Variants in TEAD1 observed in about 807,000 individuals in gnomAD.
TEAD1 encodes TEA domain transcription factor 1.
Under a neutral mutation model 54.9 loss-of-function variants are expected in TEAD1, and 9 were observed. That is an observed-to-expected ratio of 0.16 (90% CI 0.10 to 0.29). The LOEUF is 0.29. Among genes scored for constraint, TEAD1 ranks in the 10% least tolerant of loss-of-function variants. The pLI is 1.00. For synonymous variants in TEAD1, 200 were observed against 187.8 expected, an observed-to-expected ratio of 1.07 and a Z score of -0.53; for missense variants, 387 against 535.9, an observed-to-expected ratio of 0.72 and a Z score of 2.74.
At chr11:12,797,266 C>T (rs1476374237) in intron 3 of TEAD1, among the ~76,000 whole-genome samples, 1 of 152,140 alleles carries the variant, frequency 6.6e-6, no homozygotes, top group African/African-American at 2.4e-5. Flanking sequence ...CCTACTGTTC[C>T]CTCAAACTCT....
intron 2 of TEAD1, among the ~76,000 whole-genome samples, chr11:12,746,591 T>C (rs1199401170): frequency 6.6e-6 from 1 of 152,230 alleles, no homozygotes; most frequent in Non-Finnish European, 1.5e-5. Flanking sequence ...GAATTTAATG[T>C]TCTTTTCTTA....
At position 12,932,407 on chromosome 11, in the gene TEAD1, CCT is replaced by C. The variant is rs558681909; in HGVS notation, c.1167+2086_1167+2087del. On this transcript the variant is annotated intron_variant, in intron 12 of 12. Coordinates refer to ENST00000527636, the MANE Select transcript of TEAD1 (RefSeq NM_021961.6). ...AAACTCTGAATGAATGGCTTCCCTGCCTCTCTTGGGGGGGAGTCTTAGCTGTT... is the reference window on the plus strand; with the variant it reads ...AAACTCTGAATGAATGGCTTCCCTGCCTCTTGGGGGGGAGTCTTAGCTGTT... Among the ~76,000 whole-genome samples the C allele has an allele frequency of 7.5e-5, 11 of 145,876 alleles. No homozygotes were observed. The East Asian group carries it at 2.1e-3, about 28-fold the overall frequency.
chr11:12,680,534 CT>C (rs1163535218), intron 2 of TEAD1, among the ~76,000 whole-genome samples: 2 of 152,242 alleles, frequency 1.3e-5, no homozygotes, highest in African/African-American at 2.4e-5. Context: ...GCTTGCAGCT[CT>C]AGCTGGGAGC....
chr11:12,763,965 C>A (rs1186598110), intron 2 of TEAD1, among the ~76,000 whole-genome samples: 1 of 152,138 alleles, frequency 6.6e-6, no homozygotes, highest in Non-Finnish European at 1.5e-5. Context: ...CCATATTCTC[C>A]AGTAGGAGTT....
intron 2 of TEAD1, among the ~76,000 whole-genome samples, chr11:12,713,159 A>G (rs947345521): frequency 1.3e-5 from 2 of 152,114 alleles, no homozygotes; most frequent in Non-Finnish European, 2.9e-5. Flanking sequence ...AGCTGGGACT[A>G]CAGGCATGTG....
intron 2 of TEAD1, among the ~76,000 whole-genome samples, chr11:12,759,022 C>T (rs1945048037): frequency 6.6e-6 from 1 of 151,990 alleles, no homozygotes; most frequent in Non-Finnish European, 1.5e-5. Context: ...AATATTGAGA[C>T]ACTGGCAAAA....
chr11:12,879,004 G>A (rs890661236), intron 5 of TEAD1: 29 of 959,044 alleles, frequency 3.0e-5, no homozygotes, highest in African/African-American at 2.3e-4. Context: ...GAAAAGACCC[G>A]TTCAGGAAAA....
At chr11:12,861,858 C>T (rs545398052) in intron 3 of TEAD1, among the ~76,000 whole-genome samples, 3 of 152,228 alleles carry the variant, frequency 2.0e-5, no homozygotes, top group South Asian at 2.1e-4. Flanking sequence ...TGATGGCGCA[C>T]GCCTGTAATC....
intron 2 of TEAD1, among the ~76,000 whole-genome samples, chr11:12,721,601 C>T (rs930589574): frequency 5.9e-5 from 9 of 152,266 alleles, no homozygotes; most frequent in Admixed American, 5.2e-4. Flanking sequence ...ATTATTTCAA[C>T]GAACAGTTCT....
chr11:12,873,727 C>T (rs1207765984), intron 5 of TEAD1, among the ~76,000 whole-genome samples: 8 of 152,122 alleles, frequency 5.3e-5, no homozygotes, highest in Non-Finnish European at 1.5e-5. Context: ...AAATCAAGTG[C>T]CCTCCATCCT....
chr11:12,879,205 A>G (rs1405189212), intron 5 of TEAD1, among the ~76,000 whole-genome samples: 2 of 152,194 alleles, frequency 1.3e-5, no homozygotes. Context: ...CAGGCCTTGC[A>G]TGACCCCAGC....
At chr11:12,841,296 C>T (rs1947035591) in intron 3 of TEAD1, among the ~76,000 whole-genome samples, 2 of 152,306 alleles carry the variant, frequency 1.3e-5, no homozygotes, top group South Asian at 4.1e-4. Context: ...GTCTTCTTAG[C>T]TGTCCCCACC....
chr11:12,861,390 C>T (rs1947498853), intron 3 of TEAD1, among the ~76,000 whole-genome samples: 1 of 152,106 alleles, frequency 6.6e-6, no homozygotes, highest in African/African-American at 2.4e-5. Flanking sequence ...GAGATTGAGT[C>T]ATTTTTTTCA....
chr11:12,748,085 C>G (rs1944785122), intron 2 of TEAD1, among the ~76,000 whole-genome samples: 1 of 151,978 alleles, frequency 6.6e-6, no homozygotes, highest in South Asian at 2.1e-4. Flanking sequence ...CTTCAGCCTC[C>G]CAAGTAGCTG....
At chr11:12,911,628 C>T (rs1469219994) in intron 10 of TEAD1, among the ~76,000 whole-genome samples, 4 of 149,680 alleles carry the variant, frequency 2.7e-5, no homozygotes, top group Non-Finnish European at 5.9e-5. Context: ...TTCAGAGGTA[C>T]TTGGGGGCTA....
rs1945933392 is a variant in TEAD1, at chr11:12,796,690, C to T, written c.202+32256C>T. ...TCAGTGAGCCATGATCGCACCACTG[C>T]ACTGCAGCCTGGGCAACAGAGCTAG... On this transcript the variant is annotated intron_variant, in intron 3 of 12. Transcript: ENST00000527636. Among the ~76,000 whole-genome samples the T allele has an allele frequency of 3.3e-5, 5 of 151,104 alleles. No homozygotes were observed. The South Asian group carries it at 1.0e-3, about 32-fold the overall frequency.
intron 2 of TEAD1, among the ~76,000 whole-genome samples, chr11:12,721,845 T>G (rs2133866671): frequency 6.6e-6 from 1 of 152,312 alleles, no homozygotes; most frequent in East Asian, 1.9e-4. Context: ...GTCCAGCAGG[T>G]TTTCCTGTTG....
At chr11:12,901,564 T>C (rs537537315) in intron 9 of TEAD1, among the ~76,000 whole-genome samples, 40 of 152,228 alleles carry the variant, frequency 2.6e-4, no homozygotes, top group Non-Finnish European at 4.6e-4. Flanking sequence ...ATGAGCTAAC[T>C]GCACACAGAT....
chr11:12,744,683 A>G (rs986800860), intron 2 of TEAD1, among the ~76,000 whole-genome samples: 1 of 152,222 alleles, frequency 6.6e-6, no homozygotes, highest in Admixed American at 6.5e-5. Flanking sequence ...TGTTCCAGAA[A>G]TATTTTTAAA....
Sources: gnomAD v4.1 joint callset for allele counts (sites outside exome capture counted in the v4.1 genomes callset) on GRCh38, gnomAD v4.1.1 for gene constraint, MANE v1.5 for transcripts, NCBI Gene and HGNC (gene_info 2026-07-23, HGNC 2026-07-21) for gene names.